The following GRIN2A variants were observed in gnomAD, a reference collection of about 807,000 sequenced individuals.
GRIN2A encodes the protein glutamate ionotropic receptor NMDA type subunit 2A.
Under a neutral mutation model 113.4 loss-of-function variants are expected in GRIN2A, and 22 were observed. The ratio of observed to expected loss-of-function variants is 0.19; its 90% CI spans 0.14 to 0.28. GRIN2A has a LOEUF of 0.28. Ranked by LOEUF, GRIN2A falls within the 10% of genes least tolerant of loss-of-function variation. The pLI is 1.00. For synonymous variants in GRIN2A, 827 were observed against 738.4 expected (o/e 1.12, Z -1.94); for missense variants, 1,502 against 1,887.0 (o/e 0.80, Z 3.78).
At chr16:10,065,991 C>T (rs1414591124) in intron 2 of GRIN2A, among the ~76,000 whole-genome samples, 3 of 152,132 alleles carry the variant, frequency 2.0e-5, no homozygotes, top group African/African-American at 4.8e-5. Flanking sequence ...AGAGGGCTTT[C>T]GGAAATGGAT....
At chr16:9,815,668 A>T (rs1244362727) in intron 10 of GRIN2A, among the ~76,000 whole-genome samples, 1 of 152,218 alleles carries the variant, frequency 6.6e-6, no homozygotes, top group Non-Finnish European at 1.5e-5. Context: ...ACCCTTGTGC[A>T]CTGTTGGTGG....
intron 2 of GRIN2A, among the ~76,000 whole-genome samples, chr16:10,015,288 AAG>A (rs1491067702): frequency 7.0e-6 from 1 of 141,950 alleles, no homozygotes; most frequent in Non-Finnish European, 1.5e-5. Context: ...AAAAAAGAAA[AAG>A]AAAGGAAAGG....
intron 3 of GRIN2A, among the ~76,000 whole-genome samples, chr16:9,932,109 T>C (rs554005232): frequency 1.3e-5 from 2 of 152,312 alleles, no homozygotes; most frequent in South Asian, 4.1e-4. Flanking sequence ...CATTTTTCTT[T>C]CTCCTATACC....
intron 2 of GRIN2A, among the ~76,000 whole-genome samples, chr16:10,028,467 A>G (rs1157587507): frequency 6.6e-6 from 1 of 152,188 alleles, no homozygotes; most frequent in Non-Finnish European, 1.5e-5. Context: ...TTCATCCAAC[A>G]GGATGTGGGC....
chr16:9,756,681 G>C lies in GRIN2A; in HGVS notation c.*6468C>G, dbSNP rs1049768581. 1.1e-5 allele frequency: 2 copies of C among 189,034 alleles called. No homozygotes were observed. The highest frequency in any genetic ancestry group is 2.2e-5 in the Non-Finnish European group (2 of 89,976). The allele number at this position is 189,034 out of a possible 1,614,324, so 11.7% of individuals were successfully genotyped here. On this transcript the variant is annotated 3_prime_UTR_variant, in exon 13 of 13. Coordinates refer to ENST00000330684, the MANE Select transcript of GRIN2A (RefSeq NM_001134407.3). Reference sequence around the variant, plus strand: ...GGTTGTTTTGAGGATCACATTCTAGGATATGCCTAGAATATCGCCTACACT... The same window carrying C: ...GGTTGTTTTGAGGATCACATTCTAGCATATGCCTAGAATATCGCCTACACT...
intron 2 of GRIN2A, among the ~76,000 whole-genome samples, chr16:10,010,823 C>T (rs995188176): frequency 6.6e-6 from 1 of 152,188 alleles, no homozygotes; most frequent in African/African-American, 2.4e-5. Context: ...TGTATTTATA[C>T]TGCACTGGTC....
chr16:10,170,741 A>G (rs8063971), intron 2 of GRIN2A, among the ~76,000 whole-genome samples: 37,689 of 152,062 alleles, frequency 0.25, 5,265 homozygotes, highest in Non-Finnish European at 0.32. Flanking sequence ...GCCGGATATC[A>G]TGGCACACGC....
intron 3 of GRIN2A, among the ~76,000 whole-genome samples, chr16:9,904,685 A>T (rs2141529303): frequency 6.6e-6 from 1 of 152,200 alleles, no homozygotes; most frequent in East Asian, 1.9e-4. Flanking sequence ...TCCTCTTTTT[A>T]TAAGGGCATT....
intron 2 of GRIN2A, chr16:10,179,460 T>G: frequency 6.0e-6 from 1 of 167,198 alleles, no homozygotes; most frequent in South Asian, 1.5e-4. Context: ...AGAGGAAGCA[T>G]GACATTTTTT....
At position 10,103,928 on chromosome 16, in the gene GRIN2A, A is replaced by T. The variant is rs543553973; in HGVS notation, c.414+76070T>A. On this transcript the variant is annotated intron_variant, in intron 2 of 12. Transcript: ENST00000330684. ...TTTCTCTCCACTCTCAGAAATGCAA[A>T]CATTTATCCTTTTGTTGATGTTATT... 3.0e-4 allele frequency among the ~76,000 whole-genome samples: 45 copies of T among 152,274 alleles called. 1 individual carries two copies. In the South Asian group the frequency reaches 9.3e-3, roughly 32 times the overall value.
intron 2 of GRIN2A, among the ~76,000 whole-genome samples, chr16:10,103,616 G>A (rs1272108219): frequency 6.6e-6 from 1 of 152,152 alleles, no homozygotes; most frequent in Non-Finnish European, 1.5e-5. Context: ...ATCGCCAGAA[G>A]TCCTAATAAC....
chr16:9,782,702 T>G (rs1483094663), intron 11 of GRIN2A, among the ~76,000 whole-genome samples: 1 of 152,224 alleles, frequency 6.6e-6, no homozygotes. Flanking sequence ...TAACAGACAC[T>G]AAGATTCTGA....
intron 4 of GRIN2A, among the ~76,000 whole-genome samples, chr16:9,863,137 T>C (rs2043099904): frequency 6.6e-6 from 1 of 152,206 alleles, no homozygotes; most frequent in Non-Finnish European, 1.5e-5. Context: ...CTGCCTGATA[T>C]TTCCAAGGCT....
chr16:10,055,047 C>CAAAAAAAAAAAAAAAAAAAAAAAAAAAAA (rs71133304), intron 2 of GRIN2A, among the ~76,000 whole-genome samples: 6 of 10,398 alleles, frequency 5.8e-4, no homozygotes, highest in East Asian at 7.4e-3. Context: ...GACTCTATCT[C>CAAAAAAAAAAAAAAAAAAAAAAAAAAAAA]AAAAAAAAAA....
intron 2 of GRIN2A, among the ~76,000 whole-genome samples, chr16:10,034,824 C>T (rs1426760990): frequency 2.0e-5 from 3 of 152,200 alleles, no homozygotes; most frequent in Non-Finnish European, 4.4e-5. Flanking sequence ...GCATGGTTGA[C>T]TGTCTGCATT....
At chr16:10,179,893 C>CCCCACAAAAAAAAAAA in intron 2 of GRIN2A, 105 bp downstream of exon 2, 1 of 719,818 alleles carries the variant, frequency 1.4e-6, no homozygotes, top group Non-Finnish European at 2.4e-6. Context: ...CCCCCACCCC[C>CCCCACAAAAAAAAAAA]ACTTCACATC....
chr16:9,779,131 C>G (rs1901788907), intron 11 of GRIN2A, among the ~76,000 whole-genome samples: 2 of 152,154 alleles, frequency 1.3e-5, no homozygotes, highest in African/African-American at 2.4e-5. Context: ...AGGCAAATGC[C>G]TGAATGATCC....
intron 2 of GRIN2A, among the ~76,000 whole-genome samples, chr16:10,063,896 C>T (rs1158559411): frequency 6.6e-6 from 1 of 152,190 alleles, no homozygotes; most frequent in Non-Finnish European, 1.5e-5. Flanking sequence ...CCAGGCTCCC[C>T]TGAGGAAGCT....
At chr16:10,023,108 G>A (rs1369280262) in intron 2 of GRIN2A, among the ~76,000 whole-genome samples, 2 of 152,174 alleles carry the variant, frequency 1.3e-5, no homozygotes, top group African/African-American at 4.8e-5. Flanking sequence ...CTACCAATGA[G>A]AAATTAACCA....
Sources: gnomAD v4.1 joint callset for allele counts (sites outside exome capture counted in the v4.1 genomes callset) on GRCh38, gnomAD v4.1.1 for gene constraint, MANE v1.5 for transcripts, NCBI Gene and HGNC (gene_info 2026-07-23, HGNC 2026-07-21) for gene names.